Variants in PKHD1 observed in about 807,000 individuals in gnomAD.
PKHD1 encodes the protein fibrocystin.
A neutral mutation model predicts 412.0 loss-of-function variants in PKHD1; 291 were observed. The ratio of observed to expected loss-of-function variants is 0.71; its 90% CI spans 0.64 to 0.78. PKHD1 has a LOEUF of 0.78. Ranked by LOEUF, PKHD1 falls within the 30% of genes least tolerant of loss-of-function variation. PKHD1 has a pLI of 0.00. For missense variants in PKHD1, 4,825 were observed against 4,950.7 expected, an observed-to-expected ratio of 0.97 and a Z score of 0.76; for synonymous variants, 1,777 against 1,821.5, an observed-to-expected ratio of 0.98 and a Z score of 0.62.
intron 36 of PKHD1, among the ~76,000 whole-genome samples, chr6:51,955,040 T>C (rs529810529): frequency 2.6e-5 from 4 of 152,166 alleles, no homozygotes; most frequent in Non-Finnish European, 5.9e-5. Context: ...ATAATAAATT[T>C]TAATTCAGCA....
intron 60 of PKHD1, among the ~76,000 whole-genome samples, chr6:51,735,756 T>A (rs556860584): frequency 4.0e-5 from 6 of 151,762 alleles, no homozygotes; most frequent in Non-Finnish European, 8.8e-5. Flanking sequence ...TGAGACCTCA[T>A]CTCTACGAAA....
intron 63 of PKHD1, among the ~76,000 whole-genome samples, chr6:51,647,364 C>T (rs955941850): frequency 6.6e-6 from 1 of 152,078 alleles, no homozygotes. Flanking sequence ...ATTATTGGGT[C>T]CTTCTGCAGA....
chr6:52,013,669 G>GCA (rs142866416), intron 34 of PKHD1, among the ~76,000 whole-genome samples: 60 of 151,800 alleles, frequency 4.0e-4, no homozygotes, highest in African/African-American at 1.4e-3. Context: ...CATACACACT[G>GCA]CACACACACA....
intron 64 of PKHD1, among the ~76,000 whole-genome samples, chr6:51,635,136 T>G (rs947445187): frequency 6.6e-6 from 1 of 152,088 alleles, no homozygotes; most frequent in African/African-American, 2.4e-5. Flanking sequence ...TGCTATGTTT[T>G]CCAGGCTAGT....
intron 60 of PKHD1, 123 bp from the exon 61 acceptor site, chr6:51,660,092 G>A: frequency 1.5e-6 from 1 of 655,362 alleles, no homozygotes; most frequent in Non-Finnish European, 2.6e-6. Context: ...ATCTAATTGT[G>A]CCAGATACTG....
At chr6:51,852,904 T>A (rs1231535580) in intron 49 of PKHD1, among the ~76,000 whole-genome samples, 3 of 152,198 alleles carry the variant, frequency 2.0e-5, no homozygotes, top group Admixed American at 2.0e-4. Context: ...ATTTAGCCCA[T>A]TTACATTTAA....
At chr6:51,648,695 T>TA (rs1267906752) in intron 62 of PKHD1, among the ~76,000 whole-genome samples, 2 of 152,186 alleles carry the variant, frequency 1.3e-5, no homozygotes, top group Non-Finnish European at 2.9e-5. Flanking sequence ...GAGATTATTT[T>TA]AAAAAACGTA....
intron 46 of PKHD1, among the ~76,000 whole-genome samples, chr6:51,874,611 A>G (rs1309765892): frequency 6.6e-6 from 1 of 152,142 alleles, no homozygotes; most frequent in Non-Finnish European, 1.5e-5. Context: ...AAGTCTAACA[A>G]TGGACAGGCC....
At chr6:51,950,975 G>C (rs113478096) in intron 36 of PKHD1, among the ~76,000 whole-genome samples, 2 of 152,086 alleles carry the variant, frequency 1.3e-5, no homozygotes, top group Non-Finnish European at 1.5e-5. Flanking sequence ...TAAAGACTGT[G>C]ACTCAGCTCT....
At chr6:51,940,398 G>A (rs1490704882) in intron 36 of PKHD1, among the ~76,000 whole-genome samples, 1 of 151,564 alleles carries the variant, frequency 6.6e-6, no homozygotes, top group African/African-American at 2.4e-5. Context: ...AACTCCAAAT[G>A]CCTGAACCGC....
chr6:52,044,181 G>C (rs1409577025), intron 25 of PKHD1, among the ~76,000 whole-genome samples: 1 of 152,082 alleles, frequency 6.6e-6, no homozygotes, highest in Non-Finnish European at 1.5e-5. Context: ...ACTTTACTTG[G>C]GGTCTCTTTT....
At chr6:51,623,070 A>G (rs1156869313) in intron 66 of PKHD1, among the ~76,000 whole-genome samples, 1 of 152,138 alleles carries the variant, frequency 6.6e-6, no homozygotes, top group Non-Finnish European at 1.5e-5. Flanking sequence ...ACCCATTTCC[A>G]CTATCATAAA....
chr6:51,995,944 A>G (rs1164962351), intron 35 of PKHD1, among the ~76,000 whole-genome samples: 2 of 152,146 alleles, frequency 1.3e-5, no homozygotes, highest in Non-Finnish European at 2.9e-5. Flanking sequence ...GGAGGGACTC[A>G]GACAATGCCT....
chr6:51,901,952 A>T (rs1781371368), intron 43 of PKHD1, among the ~76,000 whole-genome samples: 1 of 152,112 alleles, frequency 6.6e-6, no homozygotes, highest in African/African-American at 2.4e-5. Context: ...CATTTTGCAA[A>T]GGCTCACACC....
rs73428027 is a variant in PKHD1 at position 51,782,287 on chromosome 6, A to C, written c.8441-6366T>G. Among the ~76,000 whole-genome samples the C allele has an allele frequency of 7.8e-3, 1,181 of 152,244 alleles. 15 individuals carry two copies. Among genetic ancestry groups the C allele is most frequent in the African/African-American group, 0.027 (1,124 of 41,564 alleles). On this transcript the variant is annotated intron_variant, in intron 53 of 66. Transcript: ENST00000371117. ...AAATATATTAAAACTACACACACAC[A>C]TATAGATTTAAGGATAATGTGATGT...
intron 43 of PKHD1, among the ~76,000 whole-genome samples, chr6:51,898,903 C>G (rs947623483): frequency 2.0e-5 from 3 of 152,156 alleles, no homozygotes; most frequent in African/African-American, 7.2e-5. Flanking sequence ...CGCAAATAAA[C>G]TAGAAAATTT....
chr6:51,739,041 TA>T (rs1314615216), intron 60 of PKHD1, among the ~76,000 whole-genome samples: 29 of 148,088 alleles, frequency 2.0e-4, no homozygotes, highest in African/African-American at 6.8e-4. Context: ...TATATATATA[TA>T]TTTTTTATTT....
chr6:51,908,192 T>C (rs1409875464), intron 40 of PKHD1, among the ~76,000 whole-genome samples: 3 of 152,094 alleles, frequency 2.0e-5, no homozygotes, highest in Non-Finnish European at 2.9e-5. Flanking sequence ...CTCAAATAAA[T>C]TTAAAAAGAT....
chr6:51,798,131 C>A (rs561941539), intron 52 of PKHD1, among the ~76,000 whole-genome samples: 9 of 152,230 alleles, frequency 5.9e-5, no homozygotes, highest in East Asian at 1.9e-4. Flanking sequence ...GTAATTCCAG[C>A]ACTTTGGGAG....
Sources: gnomAD v4.1 joint callset for allele counts (sites outside exome capture counted in the v4.1 genomes callset) on GRCh38, gnomAD v4.1.1 for gene constraint, MANE v1.5 for transcripts, NCBI Gene and HGNC (gene_info 2026-07-23, HGNC 2026-07-21) for gene names.